Variants in PARD3B observed in about 807,000 individuals in gnomAD.
PARD3B encodes par-3 family cell polarity regulator beta, also known as partitioning defective 3 homolog B.
A neutral mutation model predicts 130.2 loss-of-function variants in PARD3B; 103 were observed. The ratio of observed to expected loss-of-function variants is 0.79; its 90% CI spans 0.67 to 0.93. The LOEUF (loss-of-function observed/expected upper bound fraction) is 0.93. Among genes scored for constraint, PARD3B ranks in the 40% least tolerant of loss-of-function variants. The pLI, the probability that PARD3B is intolerant of heterozygous loss-of-function variation, is 0.00. For synonymous variants in PARD3B, 583 were observed against 553.2 expected (o/e 1.05, Z -0.76); for missense variants, 1,609 against 1,499.2 (o/e 1.07, Z -1.21).
chr2:205,566,963 C>G (rs2053360848), intron 22 of PARD3B, among the ~76,000 whole-genome samples: 1 of 152,172 alleles, frequency 6.6e-6, no homozygotes, highest in Non-Finnish European at 1.5e-5. Flanking sequence ...TTAATGTCAT[C>G]TGGCATTCTG....
chr2:205,521,438 CTT>C (rs1327634239), intron 21 of PARD3B, among the ~76,000 whole-genome samples: 5 of 151,884 alleles, frequency 3.3e-5, no homozygotes, highest in East Asian at 1.9e-4. Context: ...TCAATAGACT[CTT>C]TAACTTTGTG....
At position 205,193,336 on chromosome 2, in the gene PARD3B, G is replaced by A. The variant is rs1394235614; in HGVS notation, c.2140+16G>A. 2 of 1,542,788 alleles carry A rather than the reference G, an allele frequency of 1.3e-6. No homozygotes were observed. The highest frequency in any genetic ancestry group is 2.7e-5 in the African/African-American group (2 of 73,318). On this transcript the variant is annotated intron_variant, in intron 15 of 22. Coordinates refer to ENST00000406610, the MANE Select transcript of PARD3B (RefSeq NM_001302769.2). ...ATGGACCTTGGTAAGCAAGGGTGAG[G>A]TGACATCCAGGTCAGCTCTCCAGCC... is the stretch of plus-strand genomic sequence containing the variant.
intron 1 of PARD3B, among the ~76,000 whole-genome samples, chr2:204,583,452 A>C: frequency 9.3e-6 from 1 of 107,780 alleles, no homozygotes; most frequent in East Asian, 2.9e-4. Flanking sequence ...AGGAAGGGGA[A>C]TATCACACTG....
At chr2:204,973,193 A>G (rs1444439741) in intron 3 of PARD3B, among the ~76,000 whole-genome samples, 1 of 152,176 alleles carries the variant, frequency 6.6e-6, no homozygotes, top group Admixed American at 6.5e-5. Context: ...TCTGTTCTCT[A>G]AATACAAGTA....
chr2:205,033,067 T>G (rs114805835), intron 3 of PARD3B, among the ~76,000 whole-genome samples: 1 of 152,172 alleles, frequency 6.6e-6, no homozygotes. Context: ...TACAGGCTGT[T>G]CTCAACTCAC....
chr2:205,355,666 CATATT>C (rs1270217060), intron 18 of PARD3B, among the ~76,000 whole-genome samples: 5 of 152,104 alleles, frequency 3.3e-5, no homozygotes, highest in East Asian at 3.9e-4. Context: ...AAATAATTTG[CATATT>C]ATATTAGTCA....
At chr2:204,556,480 A>G (rs1421839826) in intron 1 of PARD3B, among the ~76,000 whole-genome samples, 2 of 152,232 alleles carry the variant, frequency 1.3e-5, no homozygotes, top group Non-Finnish European at 2.9e-5. Flanking sequence ...ATATAGACAA[A>G]TAATGCCCTT....
intron 22 of PARD3B, among the ~76,000 whole-genome samples, chr2:205,579,972 C>T (rs143958823): frequency 0.01 from 1,596 of 152,106 alleles, 10 homozygotes; most frequent in Non-Finnish European, 0.014. Context: ...ATTTAAGTAA[C>T]GGGGGAATAA....
At chr2:205,036,430 T>C (rs1416979864) in intron 3 of PARD3B, among the ~76,000 whole-genome samples, 6 of 147,664 alleles carry the variant, frequency 4.1e-5, no homozygotes, top group African/African-American at 1.5e-4. Flanking sequence ...TAAAAATATA[T>C]GTATATAGTG....
In PARD3B at chr2:205,253,836, A is replaced by G. The variant is rs1328263095; in HGVS notation, c.2185+8014A>G. On this transcript the variant is annotated intron_variant, in intron 16 of 22. Coordinates refer to ENST00000406610, the MANE Select transcript of PARD3B (RefSeq NM_001302769.2). This position sits in a 1 kb window ranked among gnomAD's most constrained non-coding sequence, Gnocchi z 4.4. ...GCATGATATGGGTGTGAGAAGCTTC[A>G]ATTGAGAAAGCTGCTGAGAAAGTAG... 6.6e-6 allele frequency among the ~76,000 whole-genome samples: 1 copy of G among 152,104 alleles called. No individual in the cohort carries two copies. The highest frequency in any genetic ancestry group is 2.4e-5 in the African/African-American group (1 of 41,436).
intron 11 of PARD3B, among the ~76,000 whole-genome samples, chr2:205,170,196 C>G (rs1024334690): frequency 2.6e-5 from 4 of 152,292 alleles, no homozygotes; most frequent in African/African-American, 9.6e-5. Context: ...TCCCAGAGTG[C>G]TGGGGTTACA....
chr2:205,528,698 G>A (rs892644189), intron 21 of PARD3B, among the ~76,000 whole-genome samples: 1 of 152,000 alleles, frequency 6.6e-6, no homozygotes, highest in Non-Finnish European at 1.5e-5. Flanking sequence ...GACCATGTTG[G>A]CCAGGATGGT....
chr2:205,384,693 AT>A (rs2045599281), intron 18 of PARD3B, among the ~76,000 whole-genome samples: 1 of 152,138 alleles, frequency 6.6e-6, no homozygotes, highest in Non-Finnish European at 1.5e-5. Flanking sequence ...GTAACTTAAC[AT>A]ACATGGATAG....
chr2:205,483,671 A>G (rs1423489425), intron 20 of PARD3B, among the ~76,000 whole-genome samples: 1 of 152,170 alleles, frequency 6.6e-6, no homozygotes. Context: ...AAGAAGAGGA[A>G]ATGATTCCCT....
chr2:204,687,843 A>G (rs2037161196), intron 2 of PARD3B, among the ~76,000 whole-genome samples: 1 of 152,178 alleles, frequency 6.6e-6, no homozygotes, highest in African/African-American at 2.4e-5. Flanking sequence ...ATGAAGGGCC[A>G]AAAAATGGCA....
At chr2:205,118,557 C>G (rs1395450893) in intron 6 of PARD3B, among the ~76,000 whole-genome samples, 2 of 152,218 alleles carry the variant, frequency 1.3e-5, no homozygotes, top group Non-Finnish European at 2.9e-5. Context: ...TGCTAAACAT[C>G]ACGTTGCCAC....
rs542674465 is a variant in PARD3B at position 205,107,462 on chromosome 2, C to A, written c.593+2948C>A. 3.3e-5 allele frequency among the ~76,000 whole-genome samples: 5 copies of A among 152,234 alleles called. No individual in the cohort carries two copies. In the South Asian group the frequency reaches 1.0e-3, roughly 32 times the overall value. Reference sequence around the variant, plus strand: ...TTAAATGAGATATAGTACAGACAACCGACTTAGCACAATGCTAAATGAAAG... The same window carrying A: ...TTAAATGAGATATAGTACAGACAACAGACTTAGCACAATGCTAAATGAAAG... On this transcript the variant is annotated intron_variant, in intron 5 of 22. Transcript: ENST00000406610.
chr2:204,592,882 T>G (rs1258919116), intron 1 of PARD3B, among the ~76,000 whole-genome samples: 2 of 152,236 alleles, frequency 1.3e-5, no homozygotes, highest in African/African-American at 4.8e-5. Flanking sequence ...GTACAATCAA[T>G]ATGTGGTCCT....
intron 2 of PARD3B, among the ~76,000 whole-genome samples, chr2:204,708,231 AC>A (rs2125293095): frequency 6.6e-6 from 1 of 152,080 alleles, no homozygotes; most frequent in East Asian, 1.9e-4. Context: ...GCTGGTCTCA[AC>A]TCCTAGCCTC....
Sources: gnomAD v4.1 joint callset for allele counts (sites outside exome capture counted in the v4.1 genomes callset) on GRCh38, gnomAD v4.1.1 for gene constraint, Gnocchi (gnomAD v3.1) non-coding constraint, MANE v1.5 for transcripts, NCBI Gene and HGNC (gene_info 2026-07-23, HGNC 2026-07-21) for gene names.